The following OSBPL5 variants were observed in gnomAD, a reference collection of about 807,000 sequenced individuals.
The protein encoded by OSBPL5 is oxysterol-binding protein-related protein 5.
In OSBPL5, 71 loss-of-function variants were observed where a neutral mutation model predicts 111.2. That is an observed-to-expected ratio of 0.64 (90% CI 0.53 to 0.78). The LOEUF is 0.78. Ranked by LOEUF, OSBPL5 falls within the 30% of genes least tolerant of loss-of-function variation. The pLI is 0.00. For synonymous variants in OSBPL5, 549 were observed against 513.9 expected (o/e 1.07, Z -0.93); for missense variants, 1,210 against 1,189.3 (o/e 1.02, Z -0.26).
In OSBPL5 at chr11:3,165,100, G is replaced by A. The variant is rs925620031; in HGVS notation, c.-22+116C>T. 3.3e-5 allele frequency: 5 copies of A among 150,830 alleles called. No homozygotes were observed. The highest frequency in any genetic ancestry group is 1.2e-4 in the African/African-American group (5 of 41,396). 9.3% of individuals were successfully genotyped at this position (150,830 alleles called of 1,614,324 possible). A position where few individuals can be genotyped will look rare whatever the true frequency, so the allele number is the denominator to read the frequency against. On this transcript the variant is annotated intron_variant, in intron 1 of 21. Coordinates refer to ENST00000263650, the MANE Select transcript of OSBPL5 (RefSeq NM_020896.4). This position sits in a 1 kb window ranked among gnomAD's most constrained non-coding sequence, Gnocchi z 7.4. ...CGGCGCGAGCTCCTGGATCCCTTCG[G>A]CCGGCCCCCCGCGGCCCTCGGTTCG...
intron 14 of OSBPL5, 140 bp downstream of exon 14, chr11:3,100,018 C>CA (rs398015214): frequency 0.31 from 137,963 of 448,276 alleles, 9,521 homozygotes; most frequent in East Asian, 0.45. Flanking sequence ...AACTCCATCT[C>CA]AAAAAAAAAA....
chr11:3,130,194 G>A lies in OSBPL5; in HGVS notation c.-21-1025C>T, dbSNP rs768068722. ...CTCAGGGAGTGGAAGGCCTCGACCT[G>A]TAATCGTGACCTGACAAGGGTTGGC... On this transcript the variant is annotated intron_variant, in intron 1 of 21. Transcript: ENST00000263650. This position sits in a 1 kb window ranked among gnomAD's most constrained non-coding sequence, Gnocchi z 4.5. Among the ~76,000 whole-genome samples the A allele has an allele frequency of 1.3e-5, 2 of 152,238 alleles. No individual in the cohort carries two copies. Among genetic ancestry groups the A allele is most frequent in the Non-Finnish European group, 2.9e-5 (2 of 68,042 alleles).
chr11:3,093,449 A>C, intron 17 of OSBPL5, 78 bp downstream of exon 17: 3 of 1,565,876 alleles, frequency 1.9e-6, no homozygotes, highest in Non-Finnish European at 2.6e-6. Flanking sequence ...TGCTCACAGC[A>C]CTGTAGCCCT....
chr11:3,093,094 C>G, intron 17 of OSBPL5, 42 bp from the exon 18 acceptor site: 1 of 1,473,968 alleles, frequency 6.8e-7, no homozygotes, highest in Non-Finnish European at 9.0e-7. Context: ...GCCCGGGCAG[C>G]CCGACCCCTA....
Position 3,101,343 on chromosome 11 carries a change from G to A in OSBPL5, c.1522+260C>T, listed in dbSNP as rs547661112. On this transcript the variant is annotated intron_variant, in intron 13 of 21. Transcript: ENST00000263650. ...CTCTGGGGCTGCTCAGCCCCAGTCCGCACCTTTCCATGTAGGTGCCCTCTC... is the reference window on the plus strand; with the variant it reads ...CTCTGGGGCTGCTCAGCCCCAGTCCACACCTTTCCATGTAGGTGCCCTCTC... 2.5e-3 allele frequency among the ~76,000 whole-genome samples: 380 copies of A among 152,212 alleles called. 1 individual carries two copies. The highest frequency in any genetic ancestry group is 8.5e-3 in the African/African-American group (353 of 41,548).
intron 1 of OSBPL5, among the ~76,000 whole-genome samples, chr11:3,138,228 C>A (rs980877604): frequency 1.7e-4 from 26 of 152,206 alleles, no homozygotes; most frequent in Admixed American, 1.4e-3. Flanking sequence ...CGACCCCACA[C>A]CCCTGTAGTC....
intron 14 of OSBPL5, among the ~76,000 whole-genome samples, chr11:3,097,006 G>A (rs1590638133): frequency 3.7e-5 from 4 of 108,246 alleles, no homozygotes; most frequent in Non-Finnish European, 3.8e-5. Flanking sequence ...AGAGGAAAGA[G>A]GGGGAAGACG....
intron 4 of OSBPL5, 98 bp from the exon 5 acceptor site, chr11:3,122,196 C>A: frequency 7.3e-7 from 1 of 1,377,120 alleles, no homozygotes; most frequent in Non-Finnish European, 1.0e-6. Context: ...GGGGCAGGGG[C>A]AGGAGAGGAA....
chr11:3,102,124 A>C, intron 12 of OSBPL5, 59 bp downstream of exon 12: 46 of 1,410,370 alleles, frequency 3.3e-5, no homozygotes, highest in Non-Finnish European at 3.5e-5. Flanking sequence ...CCCCGCCCCC[A>C]CAGAGCCCCG....
intron 1 of OSBPL5, among the ~76,000 whole-genome samples, chr11:3,137,621 T>C (rs189941484): frequency 3.9e-5 from 6 of 152,296 alleles, no homozygotes; most frequent in African/African-American, 7.2e-5. Flanking sequence ...GAGATCAGCC[T>C]GGGCAACATA....
At chr11:3,134,042 G>A (rs1845885745) in intron 1 of OSBPL5, among the ~76,000 whole-genome samples, 1 of 152,142 alleles carries the variant, frequency 6.6e-6, no homozygotes, top group Admixed American at 6.5e-5. Context: ...AAGCCTCGGA[G>A]GAGGGAAGGG....
Position 3,088,027 on chromosome 11 carries a change from G to A in OSBPL5, c.*178C>T, listed in dbSNP as rs546602327. On this transcript the variant is annotated 3_prime_UTR_variant, in exon 22 of 22. Transcript: ENST00000263650. ...TGCAGAGAGGCCAGTGCCCCTGAGAGGGGCCCAGCACACCTGGGCCCGCAG... is the reference window on the plus strand; with the variant it reads ...TGCAGAGAGGCCAGTGCCCCTGAGAAGGGCCCAGCACACCTGGGCCCGCAG... 2.3e-5 allele frequency: 12 copies of A among 522,142 alleles called. No individual in the cohort carries two copies. The highest frequency in any genetic ancestry group is 2.2e-4 in the African/African-American group (11 of 50,056). The allele number at this position is 522,142 out of a possible 1,614,324, so 32.3% of individuals were successfully genotyped here.
intron 3 of OSBPL5, 147 bp from the exon 4 acceptor site, chr11:3,122,575 C>A (rs899417133): frequency 5.6e-5 from 38 of 673,228 alleles, no homozygotes; most frequent in South Asian, 1.0e-4. Context: ...CCATCCCCCC[C>A]ACCAGCACTT....
intron 1 of OSBPL5, among the ~76,000 whole-genome samples, chr11:3,155,647 CCACT>C (rs1223532529): frequency 1.3e-5 from 2 of 150,298 alleles, no homozygotes; most frequent in Non-Finnish European, 3.0e-5. Flanking sequence ...CCCAGCTCTG[CCACT>C]CACTCACCCC....
chr11:3,139,742 C>T (rs375127671), intron 1 of OSBPL5, among the ~76,000 whole-genome samples: 2 of 152,194 alleles, frequency 1.3e-5, no homozygotes, highest in East Asian at 3.9e-4. Flanking sequence ...TCTCTGGGCT[C>T]CTGGACCCTG....
In OSBPL5 at chr11:3,092,458, G is replaced by A; in HGVS notation, c.2233C>T (p.Leu745=). The part of the protein sequence containing the change: ...QEAVARQTTF[L]GSPGPRHERS... ...TCGTGCCTGGGCCCTGGGCTGCCCAGGAAGGTGGTCTGGCGGGCCACGGCC... is the reference window on the plus strand; with the variant it reads ...TCGTGCCTGGGCCCTGGGCTGCCCAAGAAGGTGGTCTGGCGGGCCACGGCC... Residue 745 remains leucine (L), a synonymous_variant, in exon 19 of 22, where the codon CTG becomes TTG. Coordinates refer to ENST00000263650, the MANE Select transcript of OSBPL5 (RefSeq NM_020896.4). This position sits in a 1 kb window ranked among gnomAD's most constrained non-coding sequence, Gnocchi z 5.4. 1 of 1,580,596 alleles carries A rather than the reference G, an allele frequency of 6.3e-7. No homozygotes were observed. The highest frequency in any genetic ancestry group is 8.6e-7 in the Non-Finnish European group (1 of 1,163,708).
intron 7 of OSBPL5, among the ~76,000 whole-genome samples, chr11:3,111,154 C>T (rs1857911385): frequency 6.6e-6 from 1 of 151,740 alleles, no homozygotes; most frequent in Non-Finnish European, 1.5e-5. Context: ...TGCCCCACCC[C>T]CACCCCCTGC....
chr11:3,101,779 A>G, intron 12 of OSBPL5, 80 bp from the exon 13 acceptor site: 1 of 1,182,200 alleles, frequency 8.5e-7, no homozygotes, highest in Non-Finnish European at 1.2e-6. Flanking sequence ...TCCCCCAAAA[A>G]ACCTGTCCCT....
intron 7 of OSBPL5, among the ~76,000 whole-genome samples, chr11:3,111,509 C>G (rs1038463151): frequency 6.6e-6 from 1 of 152,160 alleles, no homozygotes; most frequent in Non-Finnish European, 1.5e-5. Context: ...TCAGTGATCA[C>G]GTAAGTTGTG....
Sources: gnomAD v4.1 joint callset for allele counts (sites outside exome capture counted in the v4.1 genomes callset) on GRCh38, gnomAD v4.1.1 for gene constraint, Gnocchi (gnomAD v3.1) non-coding constraint, MANE v1.5 for transcripts, NCBI Gene and HGNC (gene_info 2026-07-23, HGNC 2026-07-21) for gene names.